URM1: variants seen among roughly 807,000 people sequenced by gnomAD.
URM1 encodes the protein ubiquitin-related modifier 1.
Under a neutral mutation model 17.7 loss-of-function variants are expected in URM1, and 11 were observed. The ratio of observed to expected loss-of-function variants is 0.62; its 90% CI spans 0.39 to 1.03. The LOEUF (loss-of-function observed/expected upper bound fraction) is 1.03. URM1 is among the 50% of genes least tolerant of loss of function. The probability of loss-of-function intolerance (pLI) is 0.00; values close to 1 mark genes in which losing one functional copy is unlikely to be tolerated. For synonymous variants in URM1, 48 were observed against 50.6 expected, an observed-to-expected ratio of 0.95 and a Z score of 0.22; for missense variants, 128 against 129.2, an observed-to-expected ratio of 0.99 and a Z score of 0.04.
chr9:128,382,561 A>G (rs530081920), intron 2 of URM1, among the ~76,000 whole-genome samples: 5 of 152,268 alleles, frequency 3.3e-5, no homozygotes, highest in South Asian at 2.1e-4. Context: ...AACCCAGCCA[A>G]TTTGGGAGAA....
chr9:128,380,330 G>C (rs562913351), intron 2 of URM1, among the ~76,000 whole-genome samples: 9 of 152,132 alleles, frequency 5.9e-5, no homozygotes, highest in Non-Finnish European at 1.5e-5. Context: ...GAGGCTGGGG[G>C]GGGGACACTT....
chr9:128,371,367 T>C (rs377739832), upstream of URM1: 6 of 1,612,750 alleles, frequency 3.7e-6, no homozygotes, highest in Middle Eastern at 1.6e-4. Context: ...TCCTGCGAGC[T>C]CGGCTTCCTC....
chr9:128,378,850 G>A (rs533986915), intron 2 of URM1, among the ~76,000 whole-genome samples: 1 of 151,264 alleles, frequency 6.6e-6, no homozygotes, highest in Non-Finnish European at 1.5e-5. Flanking sequence ...AGGAGGCTGG[G>A]GCAGGAGAAT....
At position 128,389,764 on chromosome 9, in the gene URM1, G is replaced by C; in HGVS notation, c.*30G>C. On this transcript the variant is annotated 3_prime_UTR_variant, in exon 5 of 5. Transcript: ENST00000372853. The stretch of plus-strand genomic sequence containing the variant: ...CCTTCTCTGGGCCTGGGCACCCTTA[G>C]AGGGGAGAACGAAGCAATCAGACAT... 6.2e-7 allele frequency: 1 copy of C among 1,613,130 alleles called. No individual in the cohort carries two copies. Among genetic ancestry groups the C allele is most frequent in the Non-Finnish European group, 8.5e-7 (1 of 1,179,862 alleles).
chr9:128,375,692 T>G (rs979541055), intron 1 of URM1, among the ~76,000 whole-genome samples: 2 of 152,114 alleles, frequency 1.3e-5, no homozygotes, highest in Non-Finnish European at 2.9e-5. Context: ...CCCAAGTAGC[T>G]GGGACTACAG....
chr9:128,383,252 G>A (rs1833182469), intron 2 of URM1, among the ~76,000 whole-genome samples: 1 of 152,056 alleles, frequency 6.6e-6, no homozygotes, highest in Admixed American at 6.6e-5. Flanking sequence ...AAACAATGAG[G>A]AGGTCCCCTC....
At chr9:128,373,616 A>T (rs1833040232) in intron 1 of URM1, among the ~76,000 whole-genome samples, 1 of 152,114 alleles carries the variant, frequency 6.6e-6, no homozygotes, top group Non-Finnish European at 1.5e-5. Context: ...GCGTTTTCTC[A>T]GGTCACGCAG....
intron 2 of URM1, among the ~76,000 whole-genome samples, chr9:128,383,741 A>G (rs537715102): frequency 2.6e-5 from 4 of 152,286 alleles, no homozygotes; most frequent in African/African-American, 4.8e-5. Context: ...CTGCGAGTCA[A>G]TATCAGATAC....
chr9:128,380,856 G>A (rs538723508), intron 2 of URM1, among the ~76,000 whole-genome samples: 1 of 151,844 alleles, frequency 6.6e-6, no homozygotes, highest in Non-Finnish European at 1.5e-5. Context: ...ACGTAGTCTC[G>A]CTCTGTTGCC....
rs999095545 is a variant in URM1 at position 128,391,950 on chromosome 9, C to T, written c.*2216C>T. On this transcript the variant is annotated 3_prime_UTR_variant, in exon 5 of 5. Coordinates refer to ENST00000372853, the MANE Select transcript of URM1 (RefSeq NM_030914.4). Reference sequence around the variant, plus strand: ...AGCCCCCAGCAGCTCCCAACTGCCCCTCTCCCAAGCAACTCCTGATCCCTG... The same window carrying T: ...AGCCCCCAGCAGCTCCCAACTGCCCTTCTCCCAAGCAACTCCTGATCCCTG... The T allele has an allele frequency of 3.3e-5, 5 of 152,330 alleles. No homozygotes were observed. Among genetic ancestry groups the T allele is most frequent in the African/African-American group, 1.2e-4 (5 of 41,458 alleles). 9.4% of individuals were successfully genotyped at this position (152,330 alleles called of 1,614,324 possible).
At chr9:128,378,480 T>C (rs541861024) in intron 2 of URM1, among the ~76,000 whole-genome samples, 2 of 134,746 alleles carry the variant, frequency 1.5e-5, no homozygotes, top group East Asian at 2.2e-4. Context: ...GAGGCGGAGG[T>C]TGCAGTGAGC....
chr9:128,378,590 A>AACAAAT (rs1409546917), intron 2 of URM1, among the ~76,000 whole-genome samples: 7 of 148,566 alleles, frequency 4.7e-5, no homozygotes, highest in African/African-American at 1.7e-4. Flanking sequence ...ATCTTTCTTG[A>AACAAAT]ACAAATATAC....
At position 128,389,291 on chromosome 9, in the gene URM1, T is replaced by C; in HGVS notation, c.219T>C (p.Asp73=). 6.2e-7 allele frequency: 1 copy of C among 1,609,308 alleles called. No homozygotes were observed. Among genetic ancestry groups the C allele is most frequent in the South Asian group, 1.1e-5 (1 of 90,746 alleles). The change falls in exon 4 of 5, where the codon GAT becomes GAC. Residue 73 remains aspartate (D), a synonymous_variant. Coordinates refer to ENST00000372853, the MANE Select transcript of URM1 (RefSeq NM_030914.4). The part of the protein sequence containing the change: ...VRPGILVLIN[D]ADWELLGELD... ...CAGGAATTCTGGTGCTGATTAACGATGCCGACTGGGAGCTACTGGTCAGTA... is the reference window on the plus strand; with the variant it reads ...CAGGAATTCTGGTGCTGATTAACGACGCCGACTGGGAGCTACTGGTCAGTA...
At chr9:128,374,985 G>T (rs1012350878) in intron 1 of URM1, among the ~76,000 whole-genome samples, 4 of 152,144 alleles carry the variant, frequency 2.6e-5, no homozygotes, top group African/African-American at 9.7e-5. Flanking sequence ...GGGAAGTCCT[G>T]TTTTTTTCTG....
In URM1 at chr9:128,390,722, A is replaced by C. The variant is rs1050539275; in HGVS notation, c.*988A>C. 1 of 152,614 alleles carries C rather than the reference A, an allele frequency of 6.6e-6. No homozygotes were observed. The highest frequency in any genetic ancestry group is 2.1e-4 in the South Asian group (1 of 4,826). 9.5% of individuals were successfully genotyped at this position (152,614 alleles called of 1,614,324 possible). ...GCCGGCCTTGGGCAAATAAAAGACT[A>C]GGTTGTTTACTAGCCTTGCTTGGAG... On this transcript the variant is annotated 3_prime_UTR_variant, in exon 5 of 5. Coordinates refer to ENST00000372853, the MANE Select transcript of URM1 (RefSeq NM_030914.4).
rs145243390 is a variant in URM1 at position 128,381,195 on chromosome 9, A to G, written c.106+3089A>G. On this transcript the variant is annotated intron_variant, in intron 2 of 4. Transcript: ENST00000372853. ...GCCCTCTTTGTGCCATCACTGTACT[A>G]AGTTACTGGATATTCATTAGTGAGC... 4.8e-4 allele frequency among the ~76,000 whole-genome samples: 73 copies of G among 152,306 alleles called. No homozygotes were observed. The East Asian group carries it at 0.013, about 28-fold the overall frequency.
At chr9:128,378,762 A>T (rs1429557791) in intron 2 of URM1, among the ~76,000 whole-genome samples, 1 of 150,830 alleles carries the variant, frequency 6.6e-6, no homozygotes, top group African/African-American at 2.4e-5. Flanking sequence ...CTAGACCAAC[A>T]TGGCGAAATC....
At chr9:128,386,314 T>C (rs1833227276) in intron 2 of URM1, among the ~76,000 whole-genome samples, 1 of 152,124 alleles carries the variant, frequency 6.6e-6, no homozygotes, top group African/African-American at 2.4e-5. Context: ...GGGAAACCTC[T>C]GAAACCCAGA....
At position 128,391,091 on chromosome 9, in the gene URM1, G is replaced by A. The variant is rs761363025; in HGVS notation, c.*1357G>A. The A allele has an allele frequency of 8.5e-5, 13 of 152,194 alleles. No individual in the cohort carries two copies. Among genetic ancestry groups the A allele is most frequent in the Non-Finnish European group, 1.8e-4 (12 of 68,048 alleles). The allele number at this position is 152,194 out of a possible 1,614,324, so 9.4% of individuals were successfully genotyped here. A position where few individuals can be genotyped will look rare whatever the true frequency, so the allele number is the denominator to read the frequency against. ...TGTGGTCTTTCCTTTCCATGACCTA[G>A]AGAAAAGAGCTTTGCTGGAGGGAGA... On this transcript the variant is annotated 3_prime_UTR_variant, in exon 5 of 5. Transcript: ENST00000372853.
Sources: allele counts gnomAD v4.1 joint callset (sites outside exome capture counted in the v4.1 genomes callset), GRCh38; gene constraint gnomAD v4.1.1; transcripts MANE v1.5; gene names NCBI Gene and HGNC (gene_info 2026-07-23, HGNC 2026-07-21).